SERTM2: variants seen among roughly 807,000 people sequenced by gnomAD.
SERTM2 encodes serine rich and transmembrane domain containing 2, also known as serine-rich and transmembrane domain-containing protein 2.
rs1930379586 is a variant in SERTM2, at chrX:111,519,665, G to A, written c.*535G>A. On this transcript the variant is annotated 3_prime_UTR_variant, in exon 3 of 3. Coordinates refer to ENST00000569275, the MANE Select transcript of SERTM2 (RefSeq NM_001354473.2). The stretch of plus-strand genomic sequence containing the variant: ...GTGATTTGATCATCTTAGGCAATCC[G>A]GTTTGTTTCAAATGAAAGAAGAGAT... 8.9e-6 allele frequency: 1 copy of A among 111,925 alleles called. No homozygotes were observed. The highest frequency in any genetic ancestry group is 3.2e-5 in the African/African-American group (1 of 30,854). The allele number at this position is 111,925 out of a possible 1,213,427, so 9.2% of individuals were successfully genotyped here.
chrX:111,512,594 CTT>C (rs1015694255), intron 2 of SERTM2, among the ~76,000 whole-genome samples: 24 of 111,697 alleles, frequency 2.1e-4, no homozygotes, highest in African/African-American at 7.1e-4. Context: ...TCAGGGTACA[CTT>C]ATTTTATATC....
rs1303660744 is a variant in SERTM2 at position 111,512,092 on chromosome X, G to T, written c.-786G>T. On this transcript the variant is annotated splice_region_variant and 5_prime_UTR_variant, in exon 2 of 3. Transcript: ENST00000569275. Reference sequence around the variant, plus strand: ...ATCCTATTCATACTGTGGGCCAGGAGAGGTAAGAAATATTTGGAAATATTA... The same window carrying T: ...ATCCTATTCATACTGTGGGCCAGGATAGGTAAGAAATATTTGGAAATATTA... 6.8e-6 allele frequency: 2 copies of T among 294,135 alleles called. No homozygotes were observed. Among genetic ancestry groups the T allele is most frequent in the Non-Finnish European group, 1.2e-5 (2 of 168,706 alleles). The allele number at this position is 294,135 out of a possible 1,213,427, so 24.2% of individuals were successfully genotyped here. A position where few individuals can be genotyped will look rare whatever the true frequency, so the allele number is the denominator to read the frequency against.
At chrX:111,516,258 T>C (rs1602407788) in intron 2 of SERTM2, among the ~76,000 whole-genome samples, 1 of 106,828 alleles carries the variant, frequency 9.4e-6, no homozygotes, top group East Asian at 3.0e-4. Flanking sequence ...ACCTAATATA[T>C]TGACTTGATT....
chrX:111,514,081 T>C (rs1238232354), intron 2 of SERTM2, among the ~76,000 whole-genome samples: 5 of 111,690 alleles, frequency 4.5e-5, no homozygotes, highest in Non-Finnish European at 7.6e-5. Context: ...TGAAGAGAGT[T>C]TCTAACAAGG....
At position 111,520,836 on chromosome X, in the gene SERTM2, T is replaced by C. The variant is rs1337125154; in HGVS notation, c.*1706T>C. On this transcript the variant is annotated 3_prime_UTR_variant, in exon 3 of 3. Coordinates refer to ENST00000569275, the MANE Select transcript of SERTM2 (RefSeq NM_001354473.2). ...GATAGGCTAAGACTTGGATAGGGCATATATTTTTCAAAACTCAAAGTGACT... is the reference window on the plus strand; with the variant it reads ...GATAGGCTAAGACTTGGATAGGGCACATATTTTTCAAAACTCAAAGTGACT... The C allele has an allele frequency of 3.6e-5, 4 of 112,275 alleles. No individual in the cohort carries two copies. Among genetic ancestry groups the C allele is most frequent in the Non-Finnish European group, 5.6e-5 (3 of 53,268 alleles). The allele number at this position is 112,275 out of a possible 1,213,427, so 9.3% of individuals were successfully genotyped here.
At chrX:111,515,755 T>C (rs763775027) in intron 2 of SERTM2, among the ~76,000 whole-genome samples, 5 of 111,084 alleles carry the variant, frequency 4.5e-5, no homozygotes, top group African/African-American at 1.3e-4. Flanking sequence ...GTTTCAAACA[T>C]TGATTCCAGG....
rs921021341 is a variant in SERTM2, at chrX:111,519,846, A to G, written c.*716A>G. 8.9e-5 allele frequency: 10 copies of G among 111,997 alleles called. No homozygotes were observed. Among genetic ancestry groups the G allele is most frequent in the African/African-American group, 3.2e-4 (10 of 30,872 alleles). 9.2% of individuals were successfully genotyped at this position (111,997 alleles called of 1,213,427 possible). ...TTCTCTCTCCCTCTCACACTCTAGG[A>G]TAGAGTTGCACACAAATATGAGCTT... On this transcript the variant is annotated 3_prime_UTR_variant, in exon 3 of 3. Transcript: ENST00000569275.
At position 111,521,828 on chromosome X, in the gene SERTM2, C is replaced by T. The variant is rs188589451; in HGVS notation, c.*2698C>T. On this transcript the variant is annotated 3_prime_UTR_variant, in exon 3 of 3. Coordinates refer to ENST00000569275, the MANE Select transcript of SERTM2 (RefSeq NM_001354473.2). ...GATAGGCCAAAAAATGCTCAAATATCACCAACTTCATAAAATTCAACCTAA... is the reference window on the plus strand; with the variant it reads ...GATAGGCCAAAAAATGCTCAAATATTACCAACTTCATAAAATTCAACCTAA... 1.8e-5 allele frequency: 2 copies of T among 111,369 alleles called. No homozygotes were observed. Among genetic ancestry groups the T allele is most frequent in the Non-Finnish European group, 3.8e-5 (2 of 53,145 alleles). 9.2% of individuals were successfully genotyped at this position (111,369 alleles called of 1,213,427 possible).
intron 2 of SERTM2, among the ~76,000 whole-genome samples, chrX:111,512,862 A>G (rs1298697643): frequency 1.8e-5 from 2 of 111,704 alleles, no homozygotes; most frequent in African/African-American, 6.5e-5. Context: ...GATGTCAAAA[A>G]TTAGTGAGAA....
intron 2 of SERTM2, 65 bp from the exon 3 acceptor site, chrX:111,518,010 A>G (rs757421371): frequency 8.9e-6 from 1 of 112,054 alleles, no homozygotes; most frequent in South Asian, 3.8e-4. Context: ...TTTTATTTCA[A>G]AATACATTGC....
Position 111,520,060 on chromosome X carries a change from A to C in SERTM2, c.*930A>C, listed in dbSNP as rs747092918. 2.2e-4 allele frequency: 24 copies of C among 111,384 alleles called. No homozygotes were observed. Among genetic ancestry groups the C allele is most frequent in the Non-Finnish European group, 4.0e-4 (21 of 53,009 alleles). The allele number at this position is 111,384 out of a possible 1,213,427, so 9.2% of individuals were successfully genotyped here. A position where few individuals can be genotyped will look rare whatever the true frequency, so the allele number is the denominator to read the frequency against. On this transcript the variant is annotated 3_prime_UTR_variant, in exon 3 of 3. Transcript: ENST00000569275. ...ACTATACTCTTTAGATCTGAGCATA[A>C]AAAAAAGAGAGAGAGACAAAGGAGG... is the stretch of plus-strand genomic sequence containing the variant.
chrX:111,515,097 T>C (rs1346795229), intron 2 of SERTM2, among the ~76,000 whole-genome samples: 1 of 110,908 alleles, frequency 9.0e-6, no homozygotes, highest in Non-Finnish European at 1.9e-5. Context: ...TTCAATATAT[T>C]ATTAAATAAG....
At chrX:111,515,192 G>A (rs1373782346) in intron 2 of SERTM2, among the ~76,000 whole-genome samples, 1 of 111,398 alleles carries the variant, frequency 9.0e-6, no homozygotes, top group East Asian at 2.8e-4. Context: ...TATACTTGGG[G>A]TCCAAAAGGG....
intron 2 of SERTM2, among the ~76,000 whole-genome samples, chrX:111,513,366 A>G (rs186364177): frequency 5.4e-4 from 60 of 111,363 alleles, no homozygotes; most frequent in African/African-American, 1.9e-3. Context: ...TACAAAGACT[A>G]GAAACTGATT....
chrX:111,518,162 C>T lies in SERTM2; in HGVS notation c.-696C>T, dbSNP rs1487280425. 2 of 111,321 alleles carry T rather than the reference C, an allele frequency of 1.8e-5. No homozygotes were observed. The highest frequency in any genetic ancestry group is 1.9e-5 in the Non-Finnish European group (1 of 53,039). The allele number at this position is 111,321 out of a possible 1,213,427, so 9.2% of individuals were successfully genotyped here. A position where few individuals can be genotyped will look rare whatever the true frequency, so the allele number is the denominator to read the frequency against. ...TCAGCATCTCTGAGACCTCTCTCAC[C>T]TGAGAATTACCAGGTCTGACAACAC... On this transcript the variant is annotated 5_prime_UTR_variant, in exon 3 of 3. Transcript: ENST00000569275.
chrX:111,511,753 G>A lies in SERTM2; in HGVS notation c.-962G>A, dbSNP rs1392240598. 4 of 214,754 alleles carry A rather than the reference G, an allele frequency of 1.9e-5. No homozygotes were observed. Among genetic ancestry groups the A allele is most frequent in the South Asian group, 2.8e-4 (1 of 3,527 alleles). 17.7% of individuals were successfully genotyped at this position (214,754 alleles called of 1,213,427 possible). Reference sequence around the variant, plus strand: ...GCTGCTTTCATTCAAATGTTCCAGAGGGCACACACACATCCAAACAGACTT... The same window carrying A: ...GCTGCTTTCATTCAAATGTTCCAGAAGGCACACACACATCCAAACAGACTT... On this transcript the variant is annotated 5_prime_UTR_variant, in exon 1 of 3. Transcript: ENST00000569275.
rs1019490069 is a variant in SERTM2 at position 111,518,602 on chromosome X, A to T, written c.-256A>T. On this transcript the variant is annotated 5_prime_UTR_variant, in exon 3 of 3. Transcript: ENST00000569275. Reference sequence around the variant, plus strand: ...AAAATAAAACATTACTTGTATTTTTAAAAATTGATTAAGAAGCTCTGATAA... The same window carrying T: ...AAAATAAAACATTACTTGTATTTTTTAAAATTGATTAAGAAGCTCTGATAA... 1.8e-5 allele frequency: 5 copies of T among 279,860 alleles called. No individual in the cohort carries two copies. In the East Asian group the frequency reaches 2.0e-4, roughly 11 times the overall value. 23.1% of individuals were successfully genotyped at this position (279,860 alleles called of 1,213,427 possible). A position where few individuals can be genotyped will look rare whatever the true frequency, so the allele number is the denominator to read the frequency against.
rs1717065018 is a variant in SERTM2, at chrX:111,518,514, T to C, written c.-344T>C. ...ATACTCTAAAAGATTCTTGTTCTAA[T>C]AACAGTATTATAAAGCAGTTTCACC... is the stretch of plus-strand genomic sequence containing the variant. On this transcript the variant is annotated 5_prime_UTR_variant, in exon 3 of 3. Coordinates refer to ENST00000569275, the MANE Select transcript of SERTM2 (RefSeq NM_001354473.2). 1.7e-5 allele frequency: 3 copies of C among 180,232 alleles called. No homozygotes were observed. Among genetic ancestry groups the C allele is most frequent in the Non-Finnish European group, 3.1e-5 (3 of 97,892 alleles). The allele number at this position is 180,232 out of a possible 1,213,427, so 14.9% of individuals were successfully genotyped here. A position where few individuals can be genotyped will look rare whatever the true frequency, so the allele number is the denominator to read the frequency against.
At position 111,511,782 on chromosome X, in the gene SERTM2, T is replaced by C. The variant is rs747665827; in HGVS notation, c.-933T>C. On this transcript the variant is annotated 5_prime_UTR_variant, in exon 1 of 3. Transcript: ENST00000569275. ...ACACACACATCCAAACAGACTTCTCTTTGCTTTTCAGAGCTTATAAGGAGC... is the reference window on the plus strand; with the variant it reads ...ACACACACATCCAAACAGACTTCTCCTTGCTTTTCAGAGCTTATAAGGAGC... 10 of 244,596 alleles carry C rather than the reference T, an allele frequency of 4.1e-5. No individual in the cohort carries two copies. Among genetic ancestry groups the C allele is most frequent in the Admixed American group, 6.8e-5 (1 of 14,679 alleles). 20.2% of individuals were successfully genotyped at this position (244,596 alleles called of 1,213,427 possible). A position where few individuals can be genotyped will look rare whatever the true frequency, so the allele number is the denominator to read the frequency against.
Sources: allele counts gnomAD v4.1 joint callset (sites outside exome capture counted in the v4.1 genomes callset), GRCh38; gene constraint gnomAD v4.1.1; transcripts MANE v1.5; gene names NCBI Gene and HGNC (gene_info 2026-07-23, HGNC 2026-07-21).